RPS10: variants seen among roughly 807,000 people sequenced by gnomAD.
RPS10 encodes the protein ribosomal protein S10.
A neutral mutation model predicts 22.6 loss-of-function variants in RPS10; 2 were observed. The ratio of observed to expected loss-of-function variants is 0.09; its 90% confidence interval spans 0.04 to 0.28. The LOEUF is 0.28. Among genes scored for constraint, RPS10 ranks in the 10% least tolerant of loss-of-function variants. The pLI, the probability that RPS10 is intolerant of heterozygous loss-of-function variation, is 1.00. For synonymous variants in RPS10, 70 were observed against 75.9 expected (o/e 0.92, Z 0.40); for missense variants, 137 against 222.2 (o/e 0.62, Z 2.44).
chr6:34,418,471 C>G lies in RPS10; in HGVS notation c.401-47G>C, dbSNP rs999471503. On this transcript the variant is annotated intron_variant, in intron 4 of 5. Transcript: ENST00000648437. ...TAGAATCATCATATGATCTAATCTA[C>G]TATAGAACAAGGGAAGACAACTCAC... is the stretch of plus-strand genomic sequence containing the variant. 3 of 1,613,702 alleles carry G rather than the reference C, an allele frequency of 1.9e-6. No individual in the cohort carries two copies. In the African/African-American group the frequency reaches 4.0e-5, roughly 22 times the overall value.
At chr6:34,417,752 G>T in intron 5 of RPS10, 1 of 721,742 alleles carries the variant, frequency 1.4e-6, no homozygotes, top group South Asian at 1.5e-5. Flanking sequence ...TTCTTCATTG[G>T]TAAAGTGGGA....
chr6:34,418,086 C>A (rs1272721598), intron 5 of RPS10: 24 of 1,200,958 alleles, frequency 2.0e-5, no homozygotes, highest in Non-Finnish European at 2.5e-5. Flanking sequence ...TTCTTAAGCC[C>A]ACCCACCTTC....
At chr6:34,418,048 TGGAG>T in intron 5 of RPS10, 2 of 794,998 alleles carry the variant, frequency 2.5e-6, no homozygotes, top group South Asian at 1.8e-5. Flanking sequence ...TGAAAAAAGA[TGGAG>T]GATTTGATTT....
At chr6:34,422,671 C>G (rs2113801650) in intron 3 of RPS10, among the ~76,000 whole-genome samples, 1 of 151,644 alleles carries the variant, frequency 6.6e-6, no homozygotes, top group East Asian at 2.0e-4. Flanking sequence ...GTTAGACAGG[C>G]TGGTCTTGAA....
In RPS10 at chr6:34,425,224, G is replaced by C. The variant is rs375500787; in HGVS notation, c.1-3C>G. On this transcript the variant is annotated splice_region_variant and splice_polypyrimidine_tract_variant and intron_variant, in intron 1 of 5. Coordinates refer to ENST00000648437, the MANE Select transcript of RPS10 (RefSeq NM_001014.5). ...CGGTTCTTCTTAGGCATCAACATCTGCAAGAAGGAGACGATTGTCAAGAGC... is the reference window on the plus strand; with the variant it reads ...CGGTTCTTCTTAGGCATCAACATCTCCAAGAAGGAGACGATTGTCAAGAGC... 374 of 1,606,062 alleles carry C rather than the reference G, an allele frequency of 2.3e-4. 3 individuals carry two copies. The South Asian group carries it at 2.7e-3, about 12-fold the overall frequency.
chr6:34,422,487 G>GTT (rs983668506), intron 3 of RPS10, among the ~76,000 whole-genome samples: 3 of 151,936 alleles, frequency 2.0e-5, no homozygotes, highest in Non-Finnish European at 4.4e-5. Context: ...GCTACGTTTT[G>GTT]TATTTTTAGT....
At chr6:34,425,370 G>A (rs1765920245) in intron 1 of RPS10, 149 bp from the exon 2 acceptor site, 3 of 1,004,816 alleles carry the variant, frequency 3.0e-6, no homozygotes, top group Non-Finnish European at 1.5e-6. Context: ...TTCGGCAGAG[G>A]CCAGCTCCGT....
chr6:34,422,133 C>A (rs535230051), intron 3 of RPS10, among the ~76,000 whole-genome samples: 1 of 151,982 alleles, frequency 6.6e-6, no homozygotes, highest in African/African-American at 2.4e-5. Context: ...AACTTTTGAA[C>A]CTGACCCACG....
intron 4 of RPS10, among the ~76,000 whole-genome samples, chr6:34,419,474 C>T (rs1174363997): frequency 1.3e-5 from 2 of 151,906 alleles, no homozygotes. Context: ...ATTACAAAGA[C>T]TTAAGAAAAA....
At chr6:34,420,873 C>T (rs534475582) in intron 4 of RPS10, among the ~76,000 whole-genome samples, 4 of 151,436 alleles carry the variant, frequency 2.6e-5, no homozygotes, top group Non-Finnish European at 5.9e-5. Flanking sequence ...CTGGGCATGG[C>T]GGCGGTCGCC....
At chr6:34,425,010 C>T in intron 2 of RPS10, 62 bp downstream of exon 2, 1 of 1,611,354 alleles carries the variant, frequency 6.2e-7, no homozygotes, top group Non-Finnish European at 8.5e-7. Context: ...CCCATTCCAT[C>T]CCATCCCGGG....
At chr6:34,419,531 A>G (rs1581924115) in intron 4 of RPS10, among the ~76,000 whole-genome samples, 2 of 152,136 alleles carry the variant, frequency 1.3e-5, no homozygotes, top group African/African-American at 4.8e-5. Context: ...TACATGTTAA[A>G]TTAACACGTT....
At chr6:34,421,850 A>C (rs1171382315) in intron 3 of RPS10, 43 bp from the exon 4 acceptor site, 2 of 1,611,906 alleles carry the variant, frequency 1.2e-6, no homozygotes, top group Non-Finnish European at 1.7e-6. Context: ...GCAATGTGAG[A>C]ACTCTGTCCC....
Position 34,417,583 on chromosome 6 carries a change from C to T in RPS10, c.457-36G>A, listed in dbSNP as rs1402538371. On this transcript the variant is annotated intron_variant, in intron 5 of 5. Coordinates refer to ENST00000648437, the MANE Select transcript of RPS10 (RefSeq NM_001014.5). ...AAGCACATCACATCAGCATGAGCGG[C>T]ACTCTGGTTTGATCTTTGGAGGTTT... The T allele has an allele frequency of 3.1e-6, 5 of 1,611,732 alleles. No homozygotes were observed. In the African/African-American group the frequency reaches 6.7e-5, roughly 22 times the overall value.
At chr6:34,420,128 C>T (rs542198642) in intron 4 of RPS10, among the ~76,000 whole-genome samples, 23 of 152,082 alleles carry the variant, frequency 1.5e-4, no homozygotes, top group South Asian at 6.2e-4. Flanking sequence ...AGTGTGGCTA[C>T]GAGGAAATTT....
chr6:34,424,163 A>AAAAAAAAAAAAAAAAAAAAAAAAAC (rs1561939868), intron 3 of RPS10: 1 of 150,930 alleles, frequency 6.6e-6, no homozygotes, highest in African/African-American at 2.5e-5. Context: ...AAAAAAAAAA[A>AAAAAAAAAAAAAAAAAAAAAAAAAC]AGCAACTGTG....
intron 3 of RPS10, chr6:34,424,224 T>C (rs1021874730): frequency 8.6e-5 from 15 of 174,294 alleles, no homozygotes; most frequent in Non-Finnish European, 1.8e-4. Context: ...ACACCACACA[T>C]GCATGCATAT....
At chr6:34,420,487 G>C (rs968921362) in intron 4 of RPS10, among the ~76,000 whole-genome samples, 1 of 151,960 alleles carries the variant, frequency 6.6e-6, no homozygotes, top group Non-Finnish European at 1.5e-5. Flanking sequence ...CAAAGTGCTG[G>C]GATTACAGGC....
intron 3 of RPS10, 169 bp downstream of exon 3, chr6:34,424,500 G>A (rs966673864): frequency 1.2e-6 from 1 of 814,044 alleles, no homozygotes; most frequent in Non-Finnish European, 2.0e-6. Context: ...CTGAAGAACT[G>A]AGTCTAGTTC....
Sources: allele counts gnomAD v4.1 joint callset (sites outside exome capture counted in the v4.1 genomes callset), GRCh38; gene constraint gnomAD v4.1.1; transcripts MANE v1.5; gene names NCBI Gene and HGNC (gene_info 2026-07-23, HGNC 2026-07-21).